Variants in LAPTM5 observed in about 807,000 individuals in gnomAD.
LAPTM5 encodes the protein lysosomal-associated transmembrane protein 5.
Under a neutral mutation model 30.1 loss-of-function variants are expected in LAPTM5, and 11 were observed. The ratio of observed to expected loss-of-function variants is 0.37; its 90% CI spans 0.23 to 0.60. The LOEUF is 0.60. Ranked by LOEUF, LAPTM5 falls within the 20% of genes least tolerant of loss-of-function variation. The pLI is 0.71. For missense variants in LAPTM5, 324 were observed against 332.5 expected (o/e 0.97, Z 0.20); for synonymous variants, 151 against 137.9 (o/e 1.10, Z -0.67).
At chr1:30,742,355 T>A in intron 2 of LAPTM5, 101 bp downstream of exon 2, 1 of 776,546 alleles carries the variant, frequency 1.3e-6, no homozygotes, top group Non-Finnish European at 2.2e-6. Flanking sequence ...CCATCGTCCA[T>A]GGAGAGGTGG....
At chr1:30,740,169 T>C (rs756191709) in intron 3 of LAPTM5, among the ~76,000 whole-genome samples, 1 of 152,092 alleles carries the variant, frequency 6.6e-6, no homozygotes, top group Non-Finnish European at 1.5e-5. Context: ...ACCATCCCCA[T>C]CTATCAGGGC....
rs1402127776 is a variant in LAPTM5 at position 30,746,445 on chromosome 1, C to T, written c.88-3896G>A. On this transcript the variant is annotated intron_variant, in intron 1 of 7. Coordinates refer to ENST00000294507, the MANE Select transcript of LAPTM5 (RefSeq NM_006762.3). The surrounding 1 kb of genome is among the most constrained non-coding windows in gnomAD (Gnocchi z 4.0). ...CAGAGTATGCAGACAGTCAACATTT[C>T]CAAGCCTCCAAGCCCTTGCCTTCCC... is the stretch of plus-strand genomic sequence containing the variant. Among the ~76,000 whole-genome samples the T allele has an allele frequency of 6.6e-6, 1 of 152,030 alleles. No homozygotes were observed. Among genetic ancestry groups the T allele is most frequent in the Non-Finnish European group, 1.5e-5 (1 of 68,018 alleles).
In LAPTM5 at chr1:30,735,356, C is replaced by CT. The variant is rs1639871459; in HGVS notation, c.607-92dup. The CT allele has an allele frequency of 2.9e-6, 3 of 1,029,178 alleles. No homozygotes were observed. The East Asian group carries it at 7.1e-5, about 24-fold the overall frequency. The allele number at this position is 1,029,178 out of a possible 1,614,324, so 63.8% of individuals were successfully genotyped here. A position where few individuals can be genotyped will look rare whatever the true frequency, so the allele number is the denominator to read the frequency against. On this transcript the variant is annotated intron_variant, in intron 6 of 7. Transcript: ENST00000294507. ...GACATATGCCAGGCAGGAGCCACCA[C>CT]TCTCTCCAGAAGCCAGCATCCAGCT...
rs2124174881 is a variant in LAPTM5 at position 30,735,232 on chromosome 1, T to G, written c.640A>C (p.Arg214=). The change falls in exon 7 of 8, where the codon AGA becomes CGA. Residue 214 remains arginine (R), a synonymous_variant. Coordinates refer to ENST00000294507, the MANE Select transcript of LAPTM5 (RefSeq NM_006762.3). ...ACCGAGTTCATGCACTTGATCAATC[T>G]GTAGCACCGCCACACGCACTTGAAC... The part of the protein sequence containing the change: ...YMFKCVWRCY[R]LIKCMNSVEE... 6.2e-7 allele frequency: 1 copy of G among 1,614,098 alleles called. No individual in the cohort carries two copies. Among genetic ancestry groups the G allele is most frequent in the Non-Finnish European group, 8.5e-7 (1 of 1,179,998 alleles).
intron 1 of LAPTM5, among the ~76,000 whole-genome samples, chr1:30,743,686 T>C (rs752110174): frequency 1.3e-5 from 2 of 151,982 alleles, no homozygotes; most frequent in Non-Finnish European, 2.9e-5. Context: ...TCTATTAATA[T>C]GGCCCTAAGT....
At chr1:30,742,764 A>C (rs1639989752) in intron 1 of LAPTM5, among the ~76,000 whole-genome samples, 1 of 152,122 alleles carries the variant, frequency 6.6e-6, no homozygotes. Flanking sequence ...CAGCTATGTG[A>C]CCCTGGGCAA....
At chr1:30,744,030 T>C (rs1640009490) in intron 1 of LAPTM5, among the ~76,000 whole-genome samples, 1 of 152,150 alleles carries the variant, frequency 6.6e-6, no homozygotes, top group South Asian at 2.1e-4. Context: ...TTAGTGAAGA[T>C]TAAATTGCAT....
At chr1:30,752,831 T>A (rs34854980) in intron 1 of LAPTM5, among the ~76,000 whole-genome samples, 24,950 of 151,844 alleles carry the variant, frequency 0.16, 2,649 homozygotes, top group Admixed American at 0.3. Context: ...TTTTTTTTTT[T>A]AAAGAGTCTC....
rs1406698694 is a variant in LAPTM5, at chr1:30,756,563, G to A, written c.87+1096C>T. Among the ~76,000 whole-genome samples, 2 of 152,360 alleles carry A rather than the reference G, an allele frequency of 1.3e-5. 1 individual carries two copies. Among genetic ancestry groups the A allele is most frequent in the South Asian group, 4.1e-4 (2 of 4,832 alleles). On this transcript the variant is annotated intron_variant, in intron 1 of 7. Coordinates refer to ENST00000294507, the MANE Select transcript of LAPTM5 (RefSeq NM_006762.3). ...CCCAAGGCTGCAGAGCTGGGAAGCA[G>A]GGAAGCCAGGATTTGCATGCAGGAG...
chr1:30,740,288 A>AC (rs1406570804), intron 3 of LAPTM5, among the ~76,000 whole-genome samples: 1 of 152,080 alleles, frequency 6.6e-6, no homozygotes, highest in African/African-American at 2.4e-5. Flanking sequence ...GGAGGTGGGG[A>AC]CACCAGGGCT....
intron 1 of LAPTM5, among the ~76,000 whole-genome samples, chr1:30,749,675 G>A (rs115025460): frequency 0.018 from 2,689 of 152,200 alleles, 85 homozygotes; most frequent in African/African-American, 0.061. Flanking sequence ...AACCGTAGGG[G>A]TCAGGGCGGG....
rs549229569 is a variant in LAPTM5 at position 30,739,306 on chromosome 1, C to T, written c.388-244G>A. ...AGGGCCCTTCCATGATGTAGCCCCCCGGTCTCTTCAAGGACAACAGTTGGG... is the reference window on the plus strand; with the variant it reads ...AGGGCCCTTCCATGATGTAGCCCCCTGGTCTCTTCAAGGACAACAGTTGGG... On this transcript the variant is annotated intron_variant, in intron 4 of 7. Transcript: ENST00000294507. This position sits in a 1 kb window ranked among gnomAD's most constrained non-coding sequence, Gnocchi z 4.2. 6.9e-5 allele frequency: 30 copies of T among 437,168 alleles called. No individual in the cohort carries two copies. The highest frequency in any genetic ancestry group is 1.4e-4 in the East Asian group (3 of 22,220). The allele number at this position is 437,168 out of a possible 1,614,324, so 27.1% of individuals were successfully genotyped here.
At chr1:30,736,770 G>C (rs865880733) in intron 6 of LAPTM5, among the ~76,000 whole-genome samples, 6 of 152,136 alleles carry the variant, frequency 3.9e-5, no homozygotes, top group African/African-American at 1.4e-4. Flanking sequence ...TATGACCTAT[G>C]TTACTTTTAT....
At position 30,742,506 on chromosome 1, in the gene LAPTM5, G is replaced by A. The variant is rs751279906; in HGVS notation, c.131C>T (p.Ala44Val). The change falls in exon 2 of 8, where the codon GCC becomes GTC. Residue 44 changes from alanine to valine, a missense_variant. Transcript: ENST00000294507. ...GAGCTTGCAGGACGCCTTGCCATGG[G>A]CCACCTCTACTGAGTGCTCGATGAA... ...LLFIEHSVEV[A>V]HGKASCKLSQ... The A allele has an allele frequency of 1.9e-6, 3 of 1,613,690 alleles. No individual in the cohort carries two copies. The highest frequency in any genetic ancestry group is 1.7e-5 in the Admixed American group (1 of 59,992).
At chr1:30,751,286 C>T (rs554106216) in intron 1 of LAPTM5, among the ~76,000 whole-genome samples, 5 of 152,274 alleles carry the variant, frequency 3.3e-5, no homozygotes, top group African/African-American at 7.2e-5. Context: ...CTCACCCCTC[C>T]GTGAAGCGCA....
intron 1 of LAPTM5, among the ~76,000 whole-genome samples, chr1:30,753,551 A>G (rs1392601176): frequency 3.9e-5 from 6 of 152,196 alleles, no homozygotes; most frequent in Non-Finnish European, 8.8e-5. Flanking sequence ...AAACCACCAG[A>G]GACCCCAGTT....
At chr1:30,738,355 A>G (rs1009664315) in intron 5 of LAPTM5, among the ~76,000 whole-genome samples, 5 of 152,168 alleles carry the variant, frequency 3.3e-5, no homozygotes, top group Admixed American at 6.5e-5. Flanking sequence ...TCAGGAGAGC[A>G]CTCAAGCAGC....
intron 3 of LAPTM5, among the ~76,000 whole-genome samples, chr1:30,740,910 C>G (rs987263581): frequency 1.3e-5 from 2 of 152,220 alleles, no homozygotes; most frequent in East Asian, 3.9e-4. Flanking sequence ...AGGGCCAGGC[C>G]CCTGTCTGCA....
chr1:30,749,629 A>T (rs1017823532), intron 1 of LAPTM5, among the ~76,000 whole-genome samples: 2 of 152,194 alleles, frequency 1.3e-5, no homozygotes, highest in Non-Finnish European at 2.9e-5. Context: ...GACCCAGCAC[A>T]CAGGGCTCTG....
Sources: gnomAD v4.1 joint callset for allele counts (sites outside exome capture counted in the v4.1 genomes callset) on GRCh38, gnomAD v4.1.1 for gene constraint, Gnocchi (gnomAD v3.1) non-coding constraint, MANE v1.5 for transcripts, NCBI Gene and HGNC (gene_info 2026-07-23, HGNC 2026-07-21) for gene names.